The following KCNK10 variants were observed in gnomAD, a reference collection of about 807,000 sequenced individuals.
KCNK10 encodes potassium channel subfamily K member 10.
In KCNK10, 25 loss-of-function variants were observed where a neutral mutation model predicts 47.7. That is an observed-to-expected ratio of 0.52 (90% CI 0.38 to 0.73). The LOEUF is 0.73. Ranked by LOEUF, KCNK10 falls within the 30% of genes least tolerant of loss-of-function variation. KCNK10 has a pLI of 0.00. For synonymous variants in KCNK10, 303 were observed against 285.6 expected, an observed-to-expected ratio of 1.06 and a Z score of -0.61; for missense variants, 563 against 714.5, an observed-to-expected ratio of 0.79 and a Z score of 2.42.
chr14:88,239,393 G>C (rs1886387217), intron 3 of KCNK10, among the ~76,000 whole-genome samples: 1 of 152,052 alleles, frequency 6.6e-6, no homozygotes, highest in Admixed American at 6.6e-5. Flanking sequence ...TTTAAAGCTG[G>C]CAAATCATAT....
intron 1 of KCNK10, among the ~76,000 whole-genome samples, chr14:88,275,200 C>T (rs1369076668): frequency 1.3e-5 from 2 of 152,148 alleles, no homozygotes; most frequent in Non-Finnish European, 2.9e-5. Context: ...AAAACCAATA[C>T]CCCATATTCT....
chr14:88,210,311 G>A (rs2139849690), intron 4 of KCNK10, among the ~76,000 whole-genome samples: 2 of 152,298 alleles, frequency 1.3e-5, no homozygotes, highest in South Asian at 4.1e-4. Flanking sequence ...TGGTCTTGAT[G>A]CATGGCTGTT....
At chr14:88,204,973 T>G (rs1454488592) in intron 4 of KCNK10, among the ~76,000 whole-genome samples, 1 of 152,230 alleles carries the variant, frequency 6.6e-6, no homozygotes, top group East Asian at 1.9e-4. Flanking sequence ...TCTGATGACA[T>G]GTATCCACCA....
At chr14:88,196,583 A>C (rs1455944663) in intron 4 of KCNK10, among the ~76,000 whole-genome samples, 2 of 152,176 alleles carry the variant, frequency 1.3e-5, no homozygotes, top group African/African-American at 2.4e-5. Context: ...TTAGCAATTC[A>C]GATTGTTTTG....
chr14:88,189,818 T>TCG (rs1335990893), intron 5 of KCNK10, among the ~76,000 whole-genome samples: 1 of 152,214 alleles, frequency 6.6e-6, no homozygotes, highest in Non-Finnish European at 1.5e-5. Flanking sequence ...TCCCTATCAC[T>TCG]CGCAGACTGT....
intron 1 of KCNK10, among the ~76,000 whole-genome samples, chr14:88,281,002 A>G (rs1156787505): frequency 6.7e-6 from 1 of 149,902 alleles, no homozygotes; most frequent in Non-Finnish European, 1.5e-5. Flanking sequence ...AGGTGCTCAA[A>G]CTCAGTGCCT....
intron 4 of KCNK10, among the ~76,000 whole-genome samples, chr14:88,214,472 T>A (rs1262286985): frequency 6.6e-6 from 1 of 152,274 alleles, no homozygotes; most frequent in East Asian, 1.9e-4. Context: ...CAGAGGTGGG[T>A]CAAAACAAGT....
In KCNK10 at chr14:88,182,034, C is replaced by CTG. The variant is rs1566674162; in HGVS notation, c.*3500_*3501insCA. The CTG allele has an allele frequency of 2.1e-5, 2 of 96,008 alleles. No homozygotes were observed. Among genetic ancestry groups the CTG allele is most frequent in the African/African-American group, 9.2e-5 (2 of 21,670 alleles). The allele number at this position is 96,008 out of a possible 1,614,324, so 5.9% of individuals were successfully genotyped here. The stretch of plus-strand genomic sequence containing the variant: ...AGAGATGGCCCAACACCACCCCAAC[C>CTG]CGCACACACACACACACACACACAC... On this transcript the variant is annotated 3_prime_UTR_variant, in exon 7 of 7. Coordinates refer to ENST00000319231, the MANE Select transcript of KCNK10 (RefSeq NM_138317.3).
chr14:88,198,224 T>A (rs1352287614), intron 4 of KCNK10, among the ~76,000 whole-genome samples: 1 of 152,172 alleles, frequency 6.6e-6, no homozygotes, highest in East Asian at 1.9e-4. Context: ...TCACACCACA[T>A]GTAGAAAACA....
intron 4 of KCNK10, among the ~76,000 whole-genome samples, chr14:88,219,347 C>G (rs546176697): frequency 6.6e-6 from 1 of 152,214 alleles, no homozygotes; most frequent in African/African-American, 2.4e-5. Context: ...TGGTAACTAG[C>G]TCGGGCCAAT....
At chr14:88,254,100 G>C (rs913416576) in intron 2 of KCNK10, among the ~76,000 whole-genome samples, 2 of 152,072 alleles carry the variant, frequency 1.3e-5, no homozygotes, top group Non-Finnish European at 2.9e-5. Context: ...TGAAGGCCCC[G>C]GGACTTTCTT....
At chr14:88,242,383 T>C (rs573560745) in intron 2 of KCNK10, among the ~76,000 whole-genome samples, 1 of 152,312 alleles carries the variant, frequency 6.6e-6, no homozygotes, top group South Asian at 2.1e-4. Context: ...TTTTAAATAA[T>C]CTTTTAAATA....
chr14:88,256,754 C>T lies in KCNK10; in HGVS notation c.402+6448G>A, dbSNP rs147444332. On this transcript the variant is annotated intron_variant, in intron 2 of 6. Transcript: ENST00000319231. ...TCTCTTTTCCCTCAGCAGAACTCCA[C>T]GATGCGCATCAGTTAGGAGTTTTCT... Among the ~76,000 whole-genome samples the T allele has an allele frequency of 3.3e-4, 50 of 152,286 alleles. No homozygotes were observed. In the East Asian group the frequency reaches 4.8e-3, roughly 15 times the overall value.
At chr14:88,187,851 G>A (rs559421626) in intron 6 of KCNK10, 116 bp downstream of exon 6, 52 of 668,062 alleles carry the variant, frequency 7.8e-5, no homozygotes, top group East Asian at 3.3e-4. Flanking sequence ...CCCGCCCCCC[G>A]CTCCCCCTGC....
chr14:88,209,074 A>C (rs1366311913), intron 4 of KCNK10, among the ~76,000 whole-genome samples: 3 of 152,232 alleles, frequency 2.0e-5, no homozygotes, highest in African/African-American at 7.2e-5. Flanking sequence ...AAATGATGTA[A>C]TAATACAGTA....
At chr14:88,232,121 T>C (rs1051066922) in intron 3 of KCNK10, among the ~76,000 whole-genome samples, 12 of 152,200 alleles carry the variant, frequency 7.9e-5, no homozygotes, top group African/African-American at 2.9e-4. Context: ...CTTCACAACG[T>C]TAACACCATG....
intron 4 of KCNK10, among the ~76,000 whole-genome samples, chr14:88,198,373 C>A (rs1257824192): frequency 6.6e-6 from 1 of 152,142 alleles, no homozygotes; most frequent in Non-Finnish European, 1.5e-5. Flanking sequence ...CCAAAAGATG[C>A]CCCTCCCAGC....
rs149015545 is a variant in KCNK10, at chr14:88,217,054, G to C, written c.681+10321C>G. On this transcript the variant is annotated intron_variant, in intron 4 of 6. Transcript: ENST00000319231. ...CGCCTGTAGCCGCAGCTACTCAGGAGGCTGAGGCAGGAGAGTCGCTTGAAC... is the reference window on the plus strand; with the variant it reads ...CGCCTGTAGCCGCAGCTACTCAGGACGCTGAGGCAGGAGAGTCGCTTGAAC... 6.4e-4 allele frequency among the ~76,000 whole-genome samples: 97 copies of C among 152,370 alleles called. 2 individuals carry two copies. The highest frequency in any genetic ancestry group is 2.1e-3 in the African/African-American group (86 of 41,592).
upstream of KCNK10, chr14:88,323,346 A>G (rs1399289519): frequency 9.4e-6 from 9 of 954,380 alleles, no homozygotes; most frequent in Admixed American, 4.3e-4. Context: ...GCCCCCGGCG[A>G]CGCCCCCCAC....
Sources: gnomAD v4.1 joint callset for allele counts (sites outside exome capture counted in the v4.1 genomes callset) on GRCh38, gnomAD v4.1.1 for gene constraint, MANE v1.5 for transcripts, NCBI Gene and HGNC (gene_info 2026-07-23, HGNC 2026-07-21) for gene names.